The following FLNB variants were observed in gnomAD, a reference collection of about 807,000 sequenced individuals.
FLNB encodes the protein filamin-B.
Under a neutral mutation model 250.6 loss-of-function variants are expected in FLNB, and 111 were observed. That is an observed-to-expected ratio of 0.44 (90% CI 0.38 to 0.52). The LOEUF is 0.52. Among genes scored for constraint, FLNB ranks in the 20% least tolerant of loss-of-function variants. FLNB has a pLI of 0.00. For synonymous variants in FLNB, 1,302 were observed against 1,372.1 expected, an observed-to-expected ratio of 0.95 and a Z score of 1.13; for missense variants, 2,869 against 3,447.8, an observed-to-expected ratio of 0.83 and a Z score of 4.20.
chr3:58,146,790 A>C (rs1026038454), intron 33 of FLNB, 30 bp from the exon 34 acceptor site: 3 of 1,613,242 alleles, frequency 1.9e-6, no homozygotes, highest in African/African-American at 1.3e-5. Flanking sequence ...TCTCTCCCTA[A>C]CACCCCTGCA....
rs1196836640 is a variant in FLNB at position 58,118,982 on chromosome 3, G to A, written c.2856G>A (p.Leu952=). The A allele has an allele frequency of 8.7e-6, 14 of 1,610,826 alleles. No homozygotes were observed. Among genetic ancestry groups the A allele is most frequent in the Admixed American group, 1.7e-5 (1 of 59,996 alleles). Residue 952 remains leucine (L), a synonymous_variant, in exon 19 of 46, where the codon CTG becomes CTA. Coordinates refer to ENST00000295956, the MANE Select transcript of FLNB (RefSeq NM_001457.4). ...TGAGCAAGATAAAACTCAATGGGCTGGAAAACAGTAAGTGCCTGAATGGAG... is the reference window on the plus strand; with the variant it reads ...TGAGCAAGATAAAACTCAATGGGCTAGAAAACAGTAAGTGCCTGAATGGAG... ...LDLSKIKLNG[L]ENRVEVGKDQ... is the part of the protein sequence containing the mutation.
At position 58,051,422 on chromosome 3, in the gene FLNB, G is replaced by C. The variant is rs548655207; in HGVS notation, c.293-25624G>C. Among the ~76,000 whole-genome samples, 253 of 152,322 alleles carry C rather than the reference G, an allele frequency of 1.7e-3. 1 individual carries two copies. The highest frequency in any genetic ancestry group is 5.5e-3 in the African/African-American group (228 of 41,568). ...TGCGCAATAGCCTTGGGCACCTCCG[G>C]TTCTGCAAGCATGTACAGTACTTGC... On this transcript the variant is annotated intron_variant, in intron 1 of 45. Transcript: ENST00000295956.
At chr3:58,109,365 T>C in intron 14 of FLNB, 43 bp downstream of exon 14, 1 of 1,597,992 alleles carries the variant, frequency 6.3e-7, no homozygotes, top group Non-Finnish European at 8.5e-7. Context: ...TGGAAATGCC[T>C]GGTCATACAC....
At chr3:58,075,320 G>C (rs949662991) in intron 1 of FLNB, among the ~76,000 whole-genome samples, 1 of 152,116 alleles carries the variant, frequency 6.6e-6, no homozygotes, top group African/African-American at 2.4e-5. Context: ...AATGCTGGTG[G>C]GAGTGAAGTG....
intron 1 of FLNB, among the ~76,000 whole-genome samples, chr3:58,059,263 G>A (rs990213908): frequency 3.9e-5 from 6 of 152,150 alleles, no homozygotes; most frequent in African/African-American, 1.4e-4. Flanking sequence ...TTTATAAAAT[G>A]CAACTAATGT....
chr3:58,096,348 T>C (rs2097238539), intron 6 of FLNB, 130 bp downstream of exon 6: 3 of 737,040 alleles, frequency 4.1e-6, no homozygotes, highest in Non-Finnish European at 7.2e-6. Context: ...GGATCTATGC[T>C]CATGATAGAA....
chr3:58,162,388 C>T (rs966108442), intron 42 of FLNB, among the ~76,000 whole-genome samples: 3 of 152,174 alleles, frequency 2.0e-5, no homozygotes, highest in African/African-American at 7.2e-5. Flanking sequence ...TAACAGATTA[C>T]CTTGCTACAT....
intron 1 of FLNB, among the ~76,000 whole-genome samples, chr3:58,067,507 G>A (rs2097187386): frequency 1.3e-5 from 2 of 151,654 alleles, no homozygotes; most frequent in Admixed American, 6.6e-5. Context: ...ATAGGCCCAT[G>A]AGACTTCTGG....
intron 1 of FLNB, among the ~76,000 whole-genome samples, chr3:58,074,546 G>C (rs975442743): frequency 1.3e-5 from 2 of 152,192 alleles, no homozygotes; most frequent in Non-Finnish European, 2.9e-5. Flanking sequence ...GCAACACATG[G>C]CAAAGGATGG....
At chr3:58,076,301 A>G (rs1394695583) in intron 1 of FLNB, among the ~76,000 whole-genome samples, 1 of 152,160 alleles carries the variant, frequency 6.6e-6, no homozygotes, top group Non-Finnish European at 1.5e-5. Flanking sequence ...CTATCGAAAA[A>G]CGTGAATTCA....
At chr3:58,108,025 G>A (rs1219354168) in intron 12 of FLNB, among the ~76,000 whole-genome samples, 2 of 152,102 alleles carry the variant, frequency 1.3e-5, no homozygotes, top group South Asian at 2.1e-4. Flanking sequence ...TAGAACAGGG[G>A]TTTCCAATAT....
chr3:58,014,377 C>CCAGG (rs2097102929), intron 1 of FLNB, among the ~76,000 whole-genome samples: 1 of 152,214 alleles, frequency 6.6e-6, no homozygotes, highest in East Asian at 1.9e-4. Context: ...ACAGGGAGCT[C>CCAGG]CAGGCGTCTG....
chr3:58,106,896 G>C (rs377699670), intron 12 of FLNB, 23 bp downstream of exon 12: 2 of 1,607,956 alleles, frequency 1.2e-6, no homozygotes, highest in South Asian at 2.2e-5. Flanking sequence ...CTGTGCTTCT[G>C]TCTTCTTGTC....
intron 1 of FLNB, among the ~76,000 whole-genome samples, chr3:58,049,735 G>C (rs1372675074): frequency 6.6e-6 from 1 of 152,176 alleles, no homozygotes; most frequent in Non-Finnish European, 1.5e-5. Flanking sequence ...GGAAAAATTG[G>C]CTTGCTCTCG....
At chr3:58,149,587 C>T in intron 36 of FLNB, 1 of 535,310 alleles carries the variant, frequency 1.9e-6, no homozygotes, top group South Asian at 2.0e-5. Context: ...CGGGACACAT[C>T]ATCTATGGGA....
chr3:58,017,860 C>T (rs1359359650), intron 1 of FLNB, among the ~76,000 whole-genome samples: 1 of 152,214 alleles, frequency 6.6e-6, no homozygotes. Context: ...TGGTTTTTCA[C>T]TTAGGCAAGA....
At chr3:58,108,357 G>GGTCAT (rs1052315365) in intron 12 of FLNB, 101 bp from the exon 13 acceptor site, 1 of 765,906 alleles carries the variant, frequency 1.3e-6, no homozygotes, top group African/African-American at 1.7e-5. Flanking sequence ...ACCAGACACA[G>GGTCAT]GTCATTTTGT....
chr3:58,096,794 C>T (rs1010547924), intron 6 of FLNB, among the ~76,000 whole-genome samples: 5 of 152,186 alleles, frequency 3.3e-5, no homozygotes, highest in Admixed American at 2.0e-4. Context: ...TAGACATGAG[C>T]CACCACACCC....
intron 19 of FLNB, among the ~76,000 whole-genome samples, chr3:58,120,083 G>C (rs1045929377): frequency 2.0e-5 from 3 of 152,230 alleles, no homozygotes; most frequent in Non-Finnish European, 2.9e-5. Flanking sequence ...TCACCTGTGA[G>C]GGTTTCTCCA....
Sources: allele counts gnomAD v4.1 joint callset (sites outside exome capture counted in the v4.1 genomes callset), GRCh38; gene constraint gnomAD v4.1.1; transcripts MANE v1.5; gene names NCBI Gene and HGNC (gene_info 2026-07-23, HGNC 2026-07-21).